WDR27: variants seen among roughly 807,000 people sequenced by gnomAD.
WDR27 encodes WD repeat domain 27.
In WDR27, 100 loss-of-function variants were observed where a neutral mutation model predicts 114.4. That is an observed-to-expected ratio of 0.87 (90% confidence interval 0.74 to 1.03). The LOEUF is 1.03. WDR27 is among the 50% of genes least tolerant of loss of function. The probability of loss-of-function intolerance (pLI) is 0.00; values close to 1 mark genes in which losing one functional copy is unlikely to be tolerated. For missense variants in WDR27, 1,129 were observed against 1,092.9 expected, an observed-to-expected ratio of 1.03 and a Z score of -0.47; for synonymous variants, 449 against 423.1, an observed-to-expected ratio of 1.06 and a Z score of -0.75.
At chr6:169,680,596 G>T (rs1205995935) in intron 2 of WDR27, among the ~76,000 whole-genome samples, 1 of 152,052 alleles carries the variant, frequency 6.6e-6, no homozygotes, top group Non-Finnish European at 1.5e-5. Context: ...GAAAAAAGAA[G>T]ATATTTTTCT....
At chr6:169,436,012 C>A in the WDR27 span, among the ~76,000 whole-genome samples, 1 of 152,214 alleles carries the variant, frequency 6.6e-6, no homozygotes, top group African/African-American at 2.4e-5. Flanking sequence ...TAAATAAAAG[C>A]TGAAAGTTTC....
intron 13 of WDR27, among the ~76,000 whole-genome samples, chr6:169,654,875 G>A (rs73790085): frequency 2.0e-5 from 3 of 152,138 alleles, no homozygotes; most frequent in Admixed American, 6.5e-5. Context: ...AAGGAAGCGC[G>A]CACAGAGGAG....
chr6:169,538,940 G>A (rs1796520429), intron 25 of WDR27, among the ~76,000 whole-genome samples: 3 of 152,082 alleles, frequency 2.0e-5, no homozygotes, highest in South Asian at 2.1e-4. Flanking sequence ...CACTTACCCT[G>A]TTCTATCTTA....
chr6:169,674,813 AGGCG>A (rs1779665448), intron 2 of WDR27, among the ~76,000 whole-genome samples: 1 of 152,178 alleles, frequency 6.6e-6, no homozygotes, highest in African/African-American at 2.4e-5. Context: ...ACCTGGGTGC[AGGCG>A]GGCTGAGTCC....
chr6:169,496,805 AT>A (rs1291061971), intron 25 of WDR27, among the ~76,000 whole-genome samples: 6 of 152,168 alleles, frequency 3.9e-5, no homozygotes, highest in African/African-American at 1.4e-4. Flanking sequence ...ACGTAAATTA[AT>A]GGAAACATAT....
At chr6:169,468,673 C>A (rs529911552) in intron 25 of WDR27, among the ~76,000 whole-genome samples, 1 of 152,124 alleles carries the variant, frequency 6.6e-6, no homozygotes, top group Non-Finnish European at 1.5e-5. Context: ...ATTAACTTGG[C>A]GGGGCAGGAT....
At chr6:169,520,493 A>G (rs1794234750) in intron 25 of WDR27, among the ~76,000 whole-genome samples, 1 of 152,238 alleles carries the variant, frequency 6.6e-6, no homozygotes, top group Non-Finnish European at 1.5e-5. Context: ...ACACAGATGT[A>G]CATGCACACG....
At chr6:169,481,894 C>T (rs916298846) in intron 25 of WDR27, among the ~76,000 whole-genome samples, 1 of 152,226 alleles carries the variant, frequency 6.6e-6, no homozygotes. Context: ...CTGTGAGGGT[C>T]CGCGGCTTCA....
At chr6:169,519,682 G>A (rs1794123299) in intron 25 of WDR27, among the ~76,000 whole-genome samples, 1 of 151,974 alleles carries the variant, frequency 6.6e-6, no homozygotes, top group Non-Finnish European at 1.5e-5. Flanking sequence ...CATGAGATTT[G>A]GGTGGTGGGA....
intron 21 of WDR27, among the ~76,000 whole-genome samples, chr6:169,627,225 AAAAT>A (rs1350875955): frequency 6.6e-6 from 1 of 152,248 alleles, no homozygotes; most frequent in Non-Finnish European, 1.5e-5. Flanking sequence ...TTAAGTCTTG[AAAAT>A]AAATGTATTA....
At chr6:169,450,275 AG>A in the WDR27 span, among the ~76,000 whole-genome samples, 2,590 of 152,326 alleles carry the variant, frequency 0.017, 73 homozygotes, top group African/African-American at 0.059. Context: ...CCCAGGCAGC[AG>A]GGAGCCCTGG....
At chr6:169,696,560 C>T (rs1786060294) in intron 1 of WDR27, among the ~76,000 whole-genome samples, 1 of 152,202 alleles carries the variant, frequency 6.6e-6, no homozygotes, top group Non-Finnish European at 1.5e-5. Flanking sequence ...AGGAGAAAGA[C>T]AATCCGAAGA....
intron 23 of WDR27, among the ~76,000 whole-genome samples, chr6:169,598,098 C>T (rs986071656): frequency 6.6e-6 from 1 of 152,112 alleles, no homozygotes; most frequent in Non-Finnish European, 1.5e-5. Context: ...GTTAGTTTCA[C>T]GCTATTCCAT....
At chr6:169,521,218 G>A (rs77599249) in intron 25 of WDR27, among the ~76,000 whole-genome samples, 6,604 of 152,036 alleles carry the variant, frequency 0.043, 391 homozygotes, top group African/African-American at 0.14. Context: ...TACATGCCAG[G>A]AGTGAGTAGG....
At chr6:169,687,227 G>C in intron 2 of WDR27, among the ~76,000 whole-genome samples, 1 of 152,026 alleles carries the variant, frequency 6.6e-6, no homozygotes, top group South Asian at 2.1e-4. Flanking sequence ...TTGTATACTT[G>C]TATCAAAATA....
intron 23 of WDR27, among the ~76,000 whole-genome samples, chr6:169,600,657 C>A (rs986400855): frequency 3.3e-5 from 5 of 152,174 alleles, no homozygotes; most frequent in Non-Finnish European, 5.9e-5. Flanking sequence ...ACGAGAACTA[C>A]GTGACGAATG....
chr6:169,583,498 TATATATGTATATATACAC>T (rs1413375676), intron 23 of WDR27, among the ~76,000 whole-genome samples: 230 of 31,738 alleles, frequency 7.2e-3, no homozygotes, highest in Middle Eastern at 0.053. Context: ...CATATATATA[TATATATGTATATATACAC>T]ACACACACAC....
At chr6:169,441,621 G>T in the WDR27 span, among the ~76,000 whole-genome samples, 1 of 152,152 alleles carries the variant, frequency 6.6e-6, no homozygotes, top group Admixed American at 6.5e-5. Flanking sequence ...AGGAGATGCT[G>T]AAACAAACTC....
intron 25 of WDR27, among the ~76,000 whole-genome samples, chr6:169,538,763 T>C (rs1424094802): frequency 6.6e-6 from 1 of 151,730 alleles, no homozygotes; most frequent in Non-Finnish European, 1.5e-5. Context: ...TATATGTGCA[T>C]GTATATATAC....
Sources: gnomAD v4.1 joint callset for allele counts (sites outside exome capture counted in the v4.1 genomes callset) on GRCh38, gnomAD v4.1.1 for gene constraint, MANE v1.5 for transcripts, NCBI Gene and HGNC (gene_info 2026-07-23, HGNC 2026-07-21) for gene names.